The following ITGA6 variants were observed in gnomAD, a reference collection of about 807,000 sequenced individuals.
ITGA6 encodes integrin alpha-6.
In ITGA6, 63 loss-of-function variants were observed where a neutral mutation model predicts 133.6. The observed-to-expected ratio is 0.47, with a 90% CI of 0.38 to 0.58. ITGA6 has a LOEUF of 0.58. Among genes scored for constraint, ITGA6 ranks in the 20% least tolerant of loss-of-function variants. The probability of loss-of-function intolerance (pLI) is 0.00; values close to 1 mark genes in which losing one functional copy is unlikely to be tolerated. For missense variants in ITGA6, 1,068 were observed against 1,309.4 expected (o/e 0.82, Z 2.85); for synonymous variants, 434 against 482.0 (o/e 0.90, Z 1.30).
chr2:172,468,401 A>G (rs940883962), intron 3 of ITGA6, among the ~76,000 whole-genome samples: 1 of 152,148 alleles, frequency 6.6e-6, no homozygotes, highest in African/African-American at 2.4e-5. Flanking sequence ...GAATTTTGAG[A>G]AAAAAAATTT....
At chr2:172,498,361 A>T (rs972503895) in intron 24 of ITGA6, among the ~76,000 whole-genome samples, 1 of 152,252 alleles carries the variant, frequency 6.6e-6, no homozygotes, top group Non-Finnish European at 1.5e-5. Flanking sequence ...ATGTTTAGCA[A>T]ATAACAAATT....
At chr2:172,436,843 A>G (rs571822529) in intron 1 of ITGA6, among the ~76,000 whole-genome samples, 10 of 152,258 alleles carry the variant, frequency 6.6e-5, no homozygotes, top group Non-Finnish European at 1.2e-4. Context: ...TCGGGGAGAC[A>G]AACCATAAAC....
intron 1 of ITGA6, among the ~76,000 whole-genome samples, chr2:172,460,311 A>C (rs1226212265): frequency 1.3e-5 from 2 of 152,248 alleles, no homozygotes; most frequent in African/African-American, 4.8e-5. Context: ...AACTAAGAGG[A>C]AAGTTTGGAA....
chr2:172,437,143 G>A (rs79123315), intron 1 of ITGA6, among the ~76,000 whole-genome samples: 2,393 of 152,310 alleles, frequency 0.016, 35 homozygotes, highest in Non-Finnish European at 0.023. Flanking sequence ...ATGGATCATC[G>A]AATGACTGGC....
At chr2:172,480,440 G>A (rs1244742945) in intron 11 of ITGA6, among the ~76,000 whole-genome samples, 7 of 152,168 alleles carry the variant, frequency 4.6e-5, no homozygotes, top group African/African-American at 1.7e-4. Flanking sequence ...TTGTGAAAGG[G>A]CAACGGCAGG....
At chr2:172,431,131 C>G (rs182362074) in intron 1 of ITGA6, among the ~76,000 whole-genome samples, 4 of 152,314 alleles carry the variant, frequency 2.6e-5, no homozygotes, top group African/African-American at 4.8e-5. Flanking sequence ...CTGTTCTGTT[C>G]TGACCCTTAC....
At chr2:172,460,655 T>A (rs953708631) in intron 1 of ITGA6, among the ~76,000 whole-genome samples, 2 of 152,222 alleles carry the variant, frequency 1.3e-5, no homozygotes, top group Non-Finnish European at 2.9e-5. Context: ...CCGTTAAGTC[T>A]TTTATTTTTT....
chr2:172,456,754 T>C (rs938374622), intron 1 of ITGA6, among the ~76,000 whole-genome samples: 2 of 152,232 alleles, frequency 1.3e-5, no homozygotes, highest in African/African-American at 4.8e-5. Flanking sequence ...TGTAGGGGTC[T>C]AGAATAGGTG....
chr2:172,432,951 G>C (rs1684165265), intron 1 of ITGA6, among the ~76,000 whole-genome samples: 1 of 152,204 alleles, frequency 6.6e-6, no homozygotes, highest in African/African-American at 2.4e-5. Context: ...TTTCTTCAAG[G>C]ATAGTAAGGG....
At chr2:172,459,238 G>A (rs565433197) in intron 1 of ITGA6, among the ~76,000 whole-genome samples, 22 of 152,184 alleles carry the variant, frequency 1.4e-4, no homozygotes, top group Non-Finnish European at 2.1e-4. Flanking sequence ...GGTGGTTCAC[G>A]CACTTTGGGA....
Position 172,427,710 on chromosome 2 carries a change from C to T in ITGA6, c.-79C>T, listed in dbSNP as rs148497864. 272 of 1,396,180 alleles carry T rather than the reference C, an allele frequency of 1.9e-4. No individual in the cohort carries two copies. The African/African-American group carries it at 3.8e-3, about 20-fold the overall frequency. 86.5% of individuals were successfully genotyped at this position (1,396,180 alleles called of 1,614,324 possible). On this transcript the variant is annotated 5_prime_UTR_variant, in exon 1 of 26. Transcript: ENST00000684293. ...GAGGCGAAGGTGGCTGCGGTAGCAG[C>T]AGCGCGGCAGCCTCGGACCCAGCCC...
chr2:172,474,838 A>T, intron 6 of ITGA6, 91 bp from the exon 7 acceptor site: 1 of 774,082 alleles, frequency 1.3e-6, no homozygotes, highest in South Asian at 1.4e-5. Context: ...GGGCCTTTCT[A>T]TTATATGTCT....
At chr2:172,503,999 A>G (rs2149109175) in intron 25 of ITGA6, 92 bp from the exon 26 acceptor site, 1 of 972,750 alleles carries the variant, frequency 1.0e-6, no homozygotes, top group Non-Finnish European at 1.5e-6. Flanking sequence ...AGAGGTAGAC[A>G]TAGCTGAACA....
intron 20 of ITGA6, among the ~76,000 whole-genome samples, chr2:172,490,283 A>G (rs7582972): frequency 0.23 from 34,532 of 152,114 alleles, 4,611 homozygotes; most frequent in East Asian, 0.55. Context: ...GATTCCACAT[A>G]CAAGCCCTGC....
chr2:172,465,514 C>T, intron 1 of ITGA6, 25 bp from the exon 2 acceptor site: 9 of 1,613,872 alleles, frequency 5.6e-6, no homozygotes, highest in Non-Finnish European at 6.8e-6. Flanking sequence ...TTCAAATCTC[C>T]AAATTGTCTC....
intron 1 of ITGA6, among the ~76,000 whole-genome samples, chr2:172,443,449 A>G (rs1011224385): frequency 1.3e-5 from 2 of 152,194 alleles, no homozygotes; most frequent in Admixed American, 1.3e-4. Flanking sequence ...TTCCTAGTGC[A>G]GAGTGGCCTG....
chr2:172,488,287 TC>T (rs1459731511), intron 19 of ITGA6, 59 bp downstream of exon 19: 7 of 1,018,380 alleles, frequency 6.9e-6, no homozygotes, highest in African/African-American at 3.2e-5. Context: ...CTAGGTATGG[TC>T]TTGAGTATGT....
intron 1 of ITGA6, 103 bp downstream of exon 1, chr2:172,428,073 C>G (rs902716774): frequency 1.8e-5 from 22 of 1,227,124 alleles, no homozygotes; most frequent in Non-Finnish European, 2.2e-5. Flanking sequence ...GTAGTTGGCC[C>G]GTGGGTCGCG....
chr2:172,465,199 A>C (rs944433069), intron 1 of ITGA6: 3 of 343,706 alleles, frequency 8.7e-6, no homozygotes, highest in Non-Finnish European at 5.5e-6. Context: ...GTTTCATATG[A>C]TATCCCTGGC....
Sources: gnomAD v4.1 joint callset for allele counts (sites outside exome capture counted in the v4.1 genomes callset) on GRCh38, gnomAD v4.1.1 for gene constraint, MANE v1.5 for transcripts, NCBI Gene and HGNC (gene_info 2026-07-23, HGNC 2026-07-21) for gene names.